Variants in SYT1 observed in about 807,000 individuals in gnomAD.
The protein encoded by SYT1 is synaptotagmin 1.
SYT1 carries 8 observed loss-of-function variants against 44.8 expected under a neutral mutation model. The observed-to-expected ratio is 0.18, with a 90% CI of 0.10 to 0.32. SYT1 has a LOEUF of 0.32. SYT1 is among the 10% of genes least tolerant of loss of function. SYT1 has a pLI of 1.00. For missense variants in SYT1, 286 were observed against 509.3 expected (o/e 0.56, Z 4.22); for synonymous variants, 154 against 188.8 (o/e 0.82, Z 1.51).
At chr12:79,065,602 T>TA (rs1052095902) in intron 3 of SYT1, among the ~76,000 whole-genome samples, 51 of 151,922 alleles carry the variant, frequency 3.4e-4, no homozygotes, top group African/African-American at 1.1e-3. Flanking sequence ...AAGAGGAAAA[T>TA]AAAAAAATCT....
chr12:79,116,073 T>C (rs908533983), intron 3 of SYT1, among the ~76,000 whole-genome samples: 1 of 152,230 alleles, frequency 6.6e-6, no homozygotes, highest in Non-Finnish European at 1.5e-5. Flanking sequence ...CTTGGAATTA[T>C]CATTTGTCTT....
rs1868381688 is a variant in SYT1 at position 79,125,514 on chromosome 12, G to T, written c.-18+78152G>T. On this transcript the variant is annotated intron_variant, in intron 3 of 10. Coordinates refer to ENST00000261205, the MANE Select transcript of SYT1 (RefSeq NM_005639.3). ...TGCCTGTGATCCCAGCCACATGGGAGGTGGCTGAGGTGGGAGGATTGCTTG... is the reference window on the plus strand; with the variant it reads ...TGCCTGTGATCCCAGCCACATGGGATGTGGCTGAGGTGGGAGGATTGCTTG... Among the ~76,000 whole-genome samples the T allele has an allele frequency of 4.0e-5, 6 of 150,282 alleles. No individual in the cohort carries two copies. The South Asian group carries it at 1.1e-3, about 26-fold the overall frequency.
intron 1 of SYT1, among the ~76,000 whole-genome samples, chr12:78,896,621 C>A (rs1875372241): frequency 6.6e-6 from 1 of 151,784 alleles, no homozygotes; most frequent in Admixed American, 6.6e-5. Context: ...CCAAACCTCT[C>A]TCCTCATGTA....
chr12:79,143,745 C>T (rs761801371), intron 3 of SYT1, among the ~76,000 whole-genome samples: 3 of 152,048 alleles, frequency 2.0e-5, no homozygotes, highest in Non-Finnish European at 2.9e-5. Flanking sequence ...GCTCGAGCAA[C>T]GTTGGAAAAT....
At chr12:79,208,626 A>G (rs991086932) in intron 3 of SYT1, among the ~76,000 whole-genome samples, 1 of 152,150 alleles carries the variant, frequency 6.6e-6, no homozygotes, top group African/African-American at 2.4e-5. Flanking sequence ...CTGAAGAAGG[A>G]AGAGAGAAGA....
intron 1 of SYT1, among the ~76,000 whole-genome samples, chr12:78,906,876 C>T (rs574567417): frequency 1.3e-5 from 2 of 152,168 alleles, no homozygotes; most frequent in East Asian, 3.9e-4. Context: ...CTGTGTCAAA[C>T]GTTATGCTAT....
At chr12:78,930,068 A>C (rs1436032092) in intron 1 of SYT1, among the ~76,000 whole-genome samples, 1 of 152,168 alleles carries the variant, frequency 6.6e-6, no homozygotes, top group Admixed American at 6.6e-5. Context: ...ATTTCAGTTA[A>C]ACTGGAGGAA....
chr12:78,882,371 C>G (rs1874506085), intron 1 of SYT1, among the ~76,000 whole-genome samples: 1 of 151,698 alleles, frequency 6.6e-6, no homozygotes, highest in South Asian at 2.1e-4. Context: ...GTGATTGGAT[C>G]CAATCTGAAT....
intron 9 of SYT1, among the ~76,000 whole-genome samples, chr12:79,417,912 G>A (rs1868852134): frequency 6.6e-6 from 1 of 151,974 alleles, no homozygotes; most frequent in South Asian, 2.1e-4. Flanking sequence ...CTAAGATGGG[G>A]CCCGATGTTC....
chr12:78,996,132 T>G (rs1870365079), intron 2 of SYT1, among the ~76,000 whole-genome samples: 1 of 152,198 alleles, frequency 6.6e-6, no homozygotes, highest in Non-Finnish European at 1.5e-5. Flanking sequence ...TTTTACTACC[T>G]TCATACAATT....
intron 4 of SYT1, among the ~76,000 whole-genome samples, chr12:79,253,961 T>C (rs1366085260): frequency 6.6e-6 from 1 of 152,138 alleles, no homozygotes; most frequent in Non-Finnish European, 1.5e-5. Flanking sequence ...GAAAAACAGT[T>C]TGAAGTTGGT....
intron 3 of SYT1, among the ~76,000 whole-genome samples, chr12:79,150,689 C>T (rs2138258474): frequency 6.6e-6 from 1 of 152,258 alleles, no homozygotes; most frequent in Non-Finnish European, 1.5e-5. Flanking sequence ...AGAAAGAGCA[C>T]AGAGCAAGTT....
chr12:78,876,118 AG>A (rs1477683211), intron 1 of SYT1, among the ~76,000 whole-genome samples: 1 of 151,684 alleles, frequency 6.6e-6, no homozygotes, highest in Non-Finnish European at 1.5e-5. Flanking sequence ...TTGAAACAAA[AG>A]TAAATAAACA....
chr12:79,203,737 C>T (rs143390945), intron 3 of SYT1, among the ~76,000 whole-genome samples: 69 of 152,064 alleles, frequency 4.5e-4, no homozygotes, highest in African/African-American at 1.6e-3. Flanking sequence ...GTTATTTTTT[C>T]GTAGATTGTA....
At chr12:78,971,838 G>A (rs939812182) in intron 1 of SYT1, among the ~76,000 whole-genome samples, 19 of 152,002 alleles carry the variant, frequency 1.2e-4, no homozygotes, top group African/African-American at 3.9e-4. Context: ...CTACTAATAC[G>A]CTGTGAGACT....
At chr12:78,922,240 A>G (rs1279483054) in intron 1 of SYT1, among the ~76,000 whole-genome samples, 1 of 151,896 alleles carries the variant, frequency 6.6e-6, no homozygotes, top group Admixed American at 6.6e-5. Flanking sequence ...CTATTTTCAC[A>G]GTGTATACTA....
intron 3 of SYT1, among the ~76,000 whole-genome samples, chr12:79,111,201 G>A (rs978128349): frequency 4.6e-5 from 7 of 152,028 alleles, no homozygotes; most frequent in South Asian, 2.1e-4. Context: ...GCTGAGGTGG[G>A]GGGCAGTGGA....
intron 3 of SYT1, among the ~76,000 whole-genome samples, chr12:79,131,594 A>C (rs192417193): frequency 2.0e-5 from 3 of 152,316 alleles, no homozygotes; most frequent in Admixed American, 1.3e-4. Context: ...CAATTTAATT[A>C]AGTTTTAAGC....
At chr12:79,014,139 G>GAAAAAAAAAA (rs1170016597) in intron 2 of SYT1, among the ~76,000 whole-genome samples, 90 of 89,982 alleles carry the variant, frequency 1.0e-3, no homozygotes, top group Non-Finnish European at 1.5e-3. Flanking sequence ...AAAAAAAAAA[G>GAAAAAAAAAA]AAAAAAAAAA....
Sources: gnomAD v4.1 joint callset for allele counts (sites outside exome capture counted in the v4.1 genomes callset) on GRCh38, gnomAD v4.1.1 for gene constraint, MANE v1.5 for transcripts, NCBI Gene and HGNC (gene_info 2026-07-23, HGNC 2026-07-21) for gene names.